The following NOTCH4 variants were observed in gnomAD, a reference collection of about 807,000 sequenced individuals.
NOTCH4 encodes neurogenic locus notch homolog protein 4.
NOTCH4 carries 138 observed loss-of-function variants against 189.0 expected under a neutral mutation model. That is an observed-to-expected ratio of 0.73 (90% confidence interval 0.64 to 0.84). NOTCH4 has a LOEUF of 0.84. Ranked by LOEUF, NOTCH4 falls within the 40% of genes least tolerant of loss-of-function variation. The pLI is 0.00. For missense variants in NOTCH4, 2,286 were observed against 2,605.4 expected, an observed-to-expected ratio of 0.88 and a Z score of 2.67; for synonymous variants, 942 against 1,032.8, an observed-to-expected ratio of 0.91 and a Z score of 1.69.
intron 18 of NOTCH4, among the ~76,000 whole-genome samples, chr6:32,207,869 G>T (rs1418750989): frequency 1.3e-5 from 2 of 151,672 alleles, no homozygotes; most frequent in East Asian, 1.9e-4. Flanking sequence ...TGGGCGTGGT[G>T]GTGGGCACCT....
intron 14 of NOTCH4, 58 bp downstream of exon 14, chr6:32,213,630 C>A: frequency 6.4e-7 from 1 of 1,568,816 alleles, no homozygotes; most frequent in Admixed American, 1.8e-5. Flanking sequence ...CAAGCATACC[C>A]TCCTTAGTTC....
Position 32,201,233 on chromosome 6 carries a change from G to C in NOTCH4, c.4023C>G (p.Pro1341=). The stretch of plus-strand genomic sequence containing the variant: ...TTTCTTCAGCCCGGGCCCCAGGATA[G>C]GGGTACACCATGTCCCTGCCATCAC... ...KDRDGRDMVY[P]YPGARAEEKL... is the part of the protein sequence containing the mutation. Residue 1341 remains proline (P), a synonymous_variant, in exon 22 of 30, where the codon CCC becomes CCG. Coordinates refer to ENST00000375023, the MANE Select transcript of NOTCH4 (RefSeq NM_004557.4). This position sits in a 1 kb window ranked among gnomAD's most constrained non-coding sequence, Gnocchi z 5.5. 2 of 1,613,048 alleles carry C rather than the reference G, an allele frequency of 1.2e-6. No individual in the cohort carries two copies. The highest frequency in any genetic ancestry group is 1.7e-6 in the Non-Finnish European group (2 of 1,180,018).
At chr6:32,215,512 A>G in intron 11 of NOTCH4, 127 bp from the exon 12 acceptor site, 1 of 891,366 alleles carries the variant, frequency 1.1e-6, no homozygotes, top group Non-Finnish European at 1.7e-6. Context: ...TGAACCCATG[A>G]ACCTGTCCTT....
rs1787902745 is a variant in NOTCH4 at position 32,196,186 on chromosome 6, C to T, written c.5299-36G>A. 3 of 1,592,920 alleles carry T rather than the reference C, an allele frequency of 1.9e-6. No individual in the cohort carries two copies. In the East Asian group the frequency reaches 6.7e-5, roughly 36 times the overall value. ...GAGCCAGGGCCGATATCAGGGAAGG[C>T]CACGCCCACAGGACTGGGCCTTTCT... is the stretch of plus-strand genomic sequence containing the variant. On this transcript the variant is annotated intron_variant, in intron 29 of 29. Transcript: ENST00000375023.
Position 32,208,790 on chromosome 6 carries a change from G to A in NOTCH4, c.2865+1962C>T, listed in dbSNP as rs138676878. On this transcript the variant is annotated intron_variant, in intron 18 of 29. Coordinates refer to ENST00000375023, the MANE Select transcript of NOTCH4 (RefSeq NM_004557.4). ...ATGCTGGCAAGGATGCAGAGAAAGG[G>A]GAACCCTCATACACTGTTGGTGGGA... Among the ~76,000 whole-genome samples, 225 of 152,260 alleles carry A rather than the reference G, an allele frequency of 1.5e-3. 6 individuals are homozygous for A. The highest frequency in any genetic ancestry group is 0.011 in the Admixed American group (163 of 15,296).
rs752105876 is a variant in NOTCH4, at chr6:32,197,396, C to G, written c.4955G>C (p.Arg1652Pro). ...ARFSRPTAAR[R>P]LLEAGANPNQ... is the part of the protein sequence containing the mutation. ...GGGGTTGGCTCCAGCCTCAAGGAGG[C>G]GGCGGGCAGCGGTTGGCCGGGAGAA... Residue 1652 changes from arginine to proline, a missense_variant, in exon 27 of 30, where the codon CGC (arginine) becomes CCC (proline). Arg to Pro is a moderately radical substitution (Grantham distance 103). This residue lies in a region of NOTCH4 where 1,903 missense variants were observed against 2,261.9 expected (regional missense o/e 0.84). Transcript: ENST00000375023. 1 of 1,539,104 alleles carries G rather than the reference C, an allele frequency of 6.5e-7. No homozygotes were observed. The highest frequency in any genetic ancestry group is 8.8e-7 in the Non-Finnish European group (1 of 1,142,798).
rs1789056182 is a variant in NOTCH4, at chr6:32,212,075, A to C, written c.2680+399T>G. Among the ~76,000 whole-genome samples the C allele has an allele frequency of 6.6e-6, 1 of 152,168 alleles. No homozygotes were observed. Among genetic ancestry groups the C allele is most frequent in the Non-Finnish European group, 1.5e-5 (1 of 68,040 alleles). On this transcript the variant is annotated intron_variant, in intron 17 of 29. Transcript: ENST00000375023. This position sits in a 1 kb window ranked among gnomAD's most constrained non-coding sequence, Gnocchi z 4.4. ...AACCTTATTTTAGTGTTCTTTTACA[A>C]AGAGGGTGGCGTGACATCGAAGTGA... is the stretch of plus-strand genomic sequence containing the variant.
intron 27 of NOTCH4, 66 bp from the exon 28 acceptor site, chr6:32,197,138 AT>A: frequency 1.3e-6 from 2 of 1,572,248 alleles, no homozygotes; most frequent in Non-Finnish European, 1.7e-6. Flanking sequence ...TCCTTACACT[AT>A]TAACCCCACT....
rs1473736290 is a variant in NOTCH4 at position 32,217,283 on chromosome 6, G to C, written c.1625-17C>G. 7 of 1,579,274 alleles carry C rather than the reference G, an allele frequency of 4.4e-6. 1 individual carries two copies. The Admixed American group carries it at 6.7e-5, about 15-fold the overall frequency. ...CGGAGAATCCTGGTGGGGCGGAAGT[G>C]GGTGGGGAGAGGAGGCCAAGGTCAT... On this transcript the variant is annotated splice_polypyrimidine_tract_variant and intron_variant, in intron 9 of 29. Coordinates refer to ENST00000375023, the MANE Select transcript of NOTCH4 (RefSeq NM_004557.4). The surrounding 1 kb of genome is among the most constrained non-coding windows in gnomAD (Gnocchi z 4.2).
At chr6:32,196,253 T>C (rs533079322) in intron 29 of NOTCH4, 71 bp downstream of exon 29, 1 of 1,612,582 alleles carries the variant, frequency 6.2e-7, no homozygotes, top group Admixed American at 1.7e-5. Flanking sequence ...CCTTCAGGCT[T>C]TGCGGGTTAC....
chr6:32,203,437 C>A, intron 20 of NOTCH4: 1 of 307,634 alleles, frequency 3.3e-6, no homozygotes, highest in Non-Finnish European at 5.9e-6. Flanking sequence ...AGTCTAATTC[C>A]ATGCATCTGA....
In NOTCH4 at chr6:32,201,569, A is replaced by T; in HGVS notation, c.3756-69T>A. 1 of 1,414,534 alleles carries T rather than the reference A, an allele frequency of 7.1e-7. No homozygotes were observed. The highest frequency in any genetic ancestry group is 2.5e-5 in the Admixed American group (1 of 39,420). 87.6% of individuals were successfully genotyped at this position (1,414,534 alleles called of 1,614,324 possible). Reference sequence around the variant, plus strand: ...GACTCTTTTCTTCACCCTAGAAAGAATTCCCCATATTTTGTGCCCTCTAGG... The same window carrying T: ...GACTCTTTTCTTCACCCTAGAAAGATTTCCCCATATTTTGTGCCCTCTAGG... On this transcript the variant is annotated intron_variant, in intron 21 of 29. Transcript: ENST00000375023. This position sits in a 1 kb window ranked among gnomAD's most constrained non-coding sequence, Gnocchi z 5.5.
At chr6:32,222,115 A>G (rs1789816759) in intron 3 of NOTCH4, among the ~76,000 whole-genome samples, 1 of 151,954 alleles carries the variant, frequency 6.6e-6, no homozygotes, top group Non-Finnish European at 1.5e-5. Context: ...CAGTCTTCCC[A>G]GGTGATATAA....
intron 28 of NOTCH4, 69 bp from the exon 29 acceptor site, chr6:32,196,490 G>C (rs755883087): frequency 1.3e-6 from 2 of 1,577,482 alleles, no homozygotes; most frequent in African/African-American, 2.7e-5. Flanking sequence ...TTTCCCACGG[G>C]TTCTGGCCTT....
In NOTCH4 at chr6:32,218,023, G is replaced by A; in HGVS notation, c.1596C>T (p.Leu532=). The change falls in exon 9 of 30, where the codon CTC becomes CTT. Residue 532 remains leucine, a synonymous_variant. Transcript: ENST00000375023. The stretch of plus-strand genomic sequence containing the variant: ...GCAGGCAGATGCACTGGAAGCCGTT[G>A]AGCAGGTCATGGCAATCCGCGTGGT... ...CLNHADCHDL[L]NGFQCICLPG... The A allele has an allele frequency of 6.2e-7, 1 of 1,613,768 alleles. No homozygotes were observed. The highest frequency in any genetic ancestry group is 8.5e-7 in the Non-Finnish European group (1 of 1,179,728).
intron 27 of NOTCH4, 90 bp downstream of exon 27, chr6:32,197,209 T>C (rs1788002583): frequency 2.0e-6 from 3 of 1,514,964 alleles, no homozygotes; most frequent in Non-Finnish European, 1.8e-6. Flanking sequence ...TCACACCAAT[T>C]TCCTCCTTGT....
At chr6:32,213,528 C>A (rs1789166868) in intron 14 of NOTCH4, among the ~76,000 whole-genome samples, 160 bp downstream of exon 14, 1 of 152,158 alleles carries the variant, frequency 6.6e-6, no homozygotes, top group African/African-American at 2.4e-5. Context: ...AGACTACAGG[C>A]CTTAGCCACT....
chr6:32,219,986 G>A (rs148304561), intron 7 of NOTCH4, 143 bp downstream of exon 7: 160 of 989,928 alleles, frequency 1.6e-4, no homozygotes, highest in Middle Eastern at 1.3e-3. Context: ...AGAGGGTCAT[G>A]TAGGCAAGAG....
At position 32,217,139 on chromosome 6, in the gene NOTCH4, G is replaced by C; in HGVS notation, c.1738+14C>G. On this transcript the variant is annotated intron_variant, in intron 10 of 29. Coordinates refer to ENST00000375023, the MANE Select transcript of NOTCH4 (RefSeq NM_004557.4). The surrounding 1 kb of genome is among the most constrained non-coding windows in gnomAD (Gnocchi z 4.2). ...CTGCTCCCGCTGTCCCCCACAGTGT[G>C]TGCCCCAGTTTACCTGGGAGACACT... 1.2e-6 allele frequency: 2 copies of C among 1,612,848 alleles called. No homozygotes were observed. Among genetic ancestry groups the C allele is most frequent in the Non-Finnish European group, 1.7e-6 (2 of 1,179,798 alleles).
Sources: gnomAD v4.1 joint callset for allele counts (sites outside exome capture counted in the v4.1 genomes callset) on GRCh38, gnomAD v4.1.1 for gene constraint, gnomAD v4.1.1 regional missense constraint, Gnocchi (gnomAD v3.1) non-coding constraint, MANE v1.5 for transcripts, NCBI Gene and HGNC (gene_info 2026-07-23, HGNC 2026-07-21) for gene names.